The following TRIM67 variants were observed in gnomAD, a reference collection of about 807,000 sequenced individuals.
TRIM67 encodes the protein tripartite motif-containing protein 67.
A neutral mutation model predicts 71.0 loss-of-function variants in TRIM67; 39 were observed. The observed-to-expected ratio is 0.55, with a 90% CI of 0.43 to 0.72. The LOEUF (loss-of-function observed/expected upper bound fraction) is 0.72. Among genes scored for constraint, TRIM67 ranks in the 30% least tolerant of loss-of-function variants. The pLI is 0.00. For synonymous variants in TRIM67, 481 were observed against 473.9 expected, an observed-to-expected ratio of 1.01 and a Z score of -0.19; for missense variants, 973 against 1,079.2, an observed-to-expected ratio of 0.90 and a Z score of 1.38.
At chr1:231,172,438 A>G (rs1297266305) in intron 1 of TRIM67, among the ~76,000 whole-genome samples, 1 of 152,186 alleles carries the variant, frequency 6.6e-6, no homozygotes, top group Non-Finnish European at 1.5e-5. Context: ...AGAGATCACT[A>G]GCGTTCCCTC....
Position 231,217,221 on chromosome 1 carries a change from C to T in TRIM67, c.*1781C>T, listed in dbSNP as rs961844358. The T allele has an allele frequency of 1.8e-5, 18 of 985,954 alleles. No individual in the cohort carries two copies. Among genetic ancestry groups the T allele is most frequent in the Admixed American group, 6.1e-5 (1 of 16,264 alleles). The allele number at this position is 985,954 out of a possible 1,614,324, so 61.1% of individuals were successfully genotyped here. A position where few individuals can be genotyped will look rare whatever the true frequency, so the allele number is the denominator to read the frequency against. ...ATGTGGCCGGCAAGGCCAGCTGCCC[C>T]GTCTCCAGGAGCTGCTCGGTGCTGT... On this transcript the variant is annotated 3_prime_UTR_variant, in exon 10 of 10. Transcript: ENST00000366653.
intron 2 of TRIM67, among the ~76,000 whole-genome samples, chr1:231,197,756 C>T (rs140411218): frequency 1.5e-3 from 223 of 152,054 alleles, no homozygotes; most frequent in African/African-American, 3.8e-3. Flanking sequence ...ACCTGGGAGG[C>T]GGAGGTTGCA....
intron 1 of TRIM67, among the ~76,000 whole-genome samples, chr1:231,176,913 A>AAAAAAAAACAAAAAAAAC (rs1378831656): frequency 6.8e-6 from 1 of 147,402 alleles, no homozygotes; most frequent in African/African-American, 2.7e-5. Context: ...TGGCAAAAAA[A>AAAAAAAAACAAAAAAAAC]AAAAAAAAAA....
intron 1 of TRIM67, among the ~76,000 whole-genome samples, chr1:231,176,906 CA>C (rs56115614): frequency 0.069 from 5,167 of 74,410 alleles, 199 homozygotes; most frequent in Non-Finnish European, 0.095. Flanking sequence ...TACAATCTGG[CA>C]AAAAAAAAAA....
chr1:231,166,949 T>C (rs889224068), intron 1 of TRIM67, among the ~76,000 whole-genome samples: 8 of 152,106 alleles, frequency 5.3e-5, no homozygotes, highest in East Asian at 3.9e-4. Context: ...AATCTGTTTT[T>C]CCTGAAGCTG....
intron 1 of TRIM67, among the ~76,000 whole-genome samples, chr1:231,181,684 A>C (rs1682910780): frequency 1.3e-5 from 2 of 152,146 alleles, no homozygotes; most frequent in African/African-American, 2.4e-5. Flanking sequence ...TTCTTTTTAG[A>C]CTTGATTTTT....
At chr1:231,215,275 A>C in intron 9 of TRIM67, 100 bp from the exon 10 acceptor site, 1 of 1,492,586 alleles carries the variant, frequency 6.7e-7, no homozygotes, top group Non-Finnish European at 9.0e-7. Flanking sequence ...ATGGCCCTGG[A>C]GCCAGCAGGG....
Position 231,206,794 on chromosome 1 carries a change from A to G in TRIM67, c.1819+4A>G, listed in dbSNP as rs1683714850. ...GTCGTCCTGCAGACATCCGATGGTG[A>G]GCATCGGGATCTCTTAGTGGGAAGA... On this transcript the variant is annotated splice_donor_region_variant and intron_variant, in intron 7 of 9. Coordinates refer to ENST00000366653, the MANE Select transcript of TRIM67 (RefSeq NM_001004342.5). 9 of 1,588,128 alleles carry G rather than the reference A, an allele frequency of 5.7e-6. No homozygotes were observed. Among genetic ancestry groups the G allele is most frequent in the Non-Finnish European group, 7.7e-6 (9 of 1,168,212 alleles).
At chr1:231,186,842 C>A (rs942102762) in intron 1 of TRIM67, among the ~76,000 whole-genome samples, 1 of 152,168 alleles carries the variant, frequency 6.6e-6, no homozygotes, top group African/African-American at 2.4e-5. Flanking sequence ...TGCCAGGCAG[C>A]CTTCCCCAGC....
At position 231,193,367 on chromosome 1, in the gene TRIM67, C is replaced by T. The variant is rs117427821; in HGVS notation, c.1045-4004C>T. Among the ~76,000 whole-genome samples the T allele has an allele frequency of 2.7e-3, 404 of 152,176 alleles. 6 individuals carry two copies. The highest frequency in any genetic ancestry group is 8.4e-3 in the African/African-American group (347 of 41,514). ...TGTCCCTTCCAAATTCATACGTTGA[C>T]GCCTAAATCTTCAATGTGCTGATAT... On this transcript the variant is annotated intron_variant, in intron 1 of 9. Transcript: ENST00000366653.
chr1:231,217,926 C>T lies in TRIM67; in HGVS notation c.*2486C>T. ...AGAGAGGTGCAGCCAGGACTCCCTC[C>T]TCCCCACTGCCACCCTGAGCTTGGG... is the stretch of plus-strand genomic sequence containing the variant. On this transcript the variant is annotated 3_prime_UTR_variant, in exon 10 of 10. Coordinates refer to ENST00000366653, the MANE Select transcript of TRIM67 (RefSeq NM_001004342.5). 2 of 1,282,336 alleles carry T rather than the reference C, an allele frequency of 1.6e-6. No homozygotes were observed. Among genetic ancestry groups the T allele is most frequent in the East Asian group, 5.6e-5 (1 of 17,988 alleles). 79.4% of individuals were successfully genotyped at this position (1,282,336 alleles called of 1,614,324 possible).
At chr1:231,193,745 C>T (rs1314833700) in intron 1 of TRIM67, among the ~76,000 whole-genome samples, 1 of 151,938 alleles carries the variant, frequency 6.6e-6, no homozygotes, top group Non-Finnish European at 1.5e-5. Flanking sequence ...TGGTGGAAGG[C>T]AAAAGGGAGC....
At chr1:231,187,628 T>G in intron 1 of TRIM67, 1 of 1,405,020 alleles carries the variant, frequency 7.1e-7, no homozygotes, top group South Asian at 1.3e-5. Context: ...TCGATTCCTG[T>G]TTTAATACAC....
intron 7 of TRIM67, 25 bp downstream of exon 7, chr1:231,206,815 G>A: frequency 6.4e-7 from 1 of 1,558,958 alleles, no homozygotes; most frequent in Non-Finnish European, 8.7e-7. Context: ...CTCTTAGTGG[G>A]AAGAACAGAT....
At chr1:231,183,046 G>A (rs1489555404) in intron 1 of TRIM67, among the ~76,000 whole-genome samples, 1 of 152,182 alleles carries the variant, frequency 6.6e-6, no homozygotes, top group Non-Finnish European at 1.5e-5. Context: ...AAGCCTTGGG[G>A]CAGGAGCTCG....
chr1:231,218,515 A>C lies in TRIM67; in HGVS notation c.*3075A>C. The C allele has an allele frequency of 3.0e-6, 3 of 985,458 alleles. No homozygotes were observed. Among genetic ancestry groups the C allele is most frequent in the Non-Finnish European group, 3.6e-6 (3 of 829,936 alleles). The allele number at this position is 985,458 out of a possible 1,614,324, so 61.0% of individuals were successfully genotyped here. ...TTAATCTCTTCCGAAAATATCCACTAGCACCTCACTGCATACATAGCATCC... is the reference window on the plus strand; with the variant it reads ...TTAATCTCTTCCGAAAATATCCACTCGCACCTCACTGCATACATAGCATCC... On this transcript the variant is annotated 3_prime_UTR_variant, in exon 10 of 10. Transcript: ENST00000366653.
intron 1 of TRIM67, among the ~76,000 whole-genome samples, chr1:231,173,016 C>G (rs1296472653): frequency 3.3e-5 from 5 of 152,166 alleles, no homozygotes; most frequent in African/African-American, 9.7e-5. Flanking sequence ...GCTGATGCTG[C>G]TAATGATTAT....
At position 231,218,799 on chromosome 1, in the gene TRIM67, C is replaced by A; in HGVS notation, c.*3359C>A. The stretch of plus-strand genomic sequence containing the variant: ...GGAGGGTGGTGCTTTCCGGATTGAG[C>A]CTGGGCAGGCTCTGTGGAGCTCACC... On this transcript the variant is annotated 3_prime_UTR_variant, in exon 10 of 10. Transcript: ENST00000366653. The A allele has an allele frequency of 1.2e-5, 12 of 985,434 alleles. No individual in the cohort carries two copies. Among genetic ancestry groups the A allele is most frequent in the Non-Finnish European group, 1.4e-5 (12 of 829,934 alleles). The allele number at this position is 985,434 out of a possible 1,614,324, so 61.0% of individuals were successfully genotyped here.
Position 231,217,823 on chromosome 1 carries a change from A to C in TRIM67, c.*2383A>C. 7.0e-6 allele frequency: 9 copies of C among 1,289,666 alleles called. No individual in the cohort carries two copies. The highest frequency in any genetic ancestry group is 9.1e-6 in the Non-Finnish European group (9 of 988,810). 79.9% of individuals were successfully genotyped at this position (1,289,666 alleles called of 1,614,324 possible). A position where few individuals can be genotyped will look rare whatever the true frequency, so the allele number is the denominator to read the frequency against. On this transcript the variant is annotated 3_prime_UTR_variant, in exon 10 of 10. Coordinates refer to ENST00000366653, the MANE Select transcript of TRIM67 (RefSeq NM_001004342.5). ...CCTTTGAGGGAGCAGCATCCAGGTC[A>C]GGAGAGAAGTGGAAAGTGCAGGAGG... is the stretch of plus-strand genomic sequence containing the variant.
Sources: gnomAD v4.1 joint callset for allele counts (sites outside exome capture counted in the v4.1 genomes callset) on GRCh38, gnomAD v4.1.1 for gene constraint, MANE v1.5 for transcripts, NCBI Gene and HGNC (gene_info 2026-07-23, HGNC 2026-07-21) for gene names.